Variants in CPVL observed in about 807,000 individuals in gnomAD.
CPVL encodes the protein probable serine carboxypeptidase CPVL.
In CPVL, 51 loss-of-function variants were observed where a neutral mutation model predicts 63.7. The ratio of observed to expected loss-of-function variants is 0.80; its 90% CI spans 0.64 to 1.01. The LOEUF (loss-of-function observed/expected upper bound fraction) is 1.01, where lower values mean the gene tolerates loss of function less well. Among genes scored for constraint, CPVL ranks in the 50% least tolerant of loss-of-function variants. The pLI is 0.00. For missense variants in CPVL, 530 were observed against 573.1 expected (o/e 0.92, Z 0.77); for synonymous variants, 195 against 206.0 (o/e 0.95, Z 0.46).
chr7:29,047,736 C>T (rs1447483311), intron 11 of CPVL, among the ~76,000 whole-genome samples: 1 of 152,090 alleles, frequency 6.6e-6, no homozygotes, highest in African/African-American at 2.4e-5. Flanking sequence ...GTCACATTGT[C>T]CAATCAGGTT....
intron 6 of CPVL, among the ~76,000 whole-genome samples, chr7:29,090,657 C>T (rs956231667): frequency 6.6e-6 from 1 of 152,112 alleles, no homozygotes; most frequent in Non-Finnish European, 1.5e-5. Flanking sequence ...AGATTGGCAC[C>T]AGCTAGTGTA....
At chr7:28,994,827 T>C (rs1011016794), downstream of CPVL, among the ~76,000 whole-genome samples, 4 of 152,176 alleles carry the variant, frequency 2.6e-5, no homozygotes, top group Non-Finnish European at 5.9e-5. Flanking sequence ...AGTTCATAGA[T>C]GGGTAATATG....
At chr7:29,104,594 A>C (rs745563223) in intron 3 of CPVL, among the ~76,000 whole-genome samples, 5 of 152,158 alleles carry the variant, frequency 3.3e-5, no homozygotes, top group African/African-American at 1.2e-4. Context: ...GCCTTCTTGC[A>C]TCATTCCGAA....
rs375647676 is a variant in CPVL at position 29,113,205 on chromosome 7, C to G, written c.170-383G>C. 9.9e-5 allele frequency among the ~76,000 whole-genome samples: 15 copies of G among 152,096 alleles called. No homozygotes were observed. In the South Asian group the frequency reaches 3.1e-3, roughly 32 times the overall value. On this transcript the variant is annotated intron_variant, in intron 2 of 12. Coordinates refer to ENST00000265394, the MANE Select transcript of CPVL (RefSeq NM_031311.5). ...CAGGATAAAGTAACCTGACCTGAAA[C>G]AGTGGGGTGCAAGAGTAACAATGTG...
chr7:29,189,845 G>T (rs1334366068), intron 1 of CPVL, among the ~76,000 whole-genome samples: 1 of 152,188 alleles, frequency 6.6e-6, no homozygotes, highest in Admixed American at 6.5e-5. Flanking sequence ...CTGCAGCTCA[G>T]TGAGAAAGAC....
chr7:29,053,665 G>A (rs1010105037), intron 11 of CPVL, among the ~76,000 whole-genome samples: 1 of 152,104 alleles, frequency 6.6e-6, no homozygotes, highest in African/African-American at 2.4e-5. Context: ...TTAGATAGTG[G>A]TGATGGCTGC....
At chr7:29,061,804 G>C (rs1418326519) in intron 11 of CPVL, among the ~76,000 whole-genome samples, 1 of 151,872 alleles carries the variant, frequency 6.6e-6, no homozygotes, top group Non-Finnish European at 1.5e-5. Context: ...AAATTAGCTG[G>C]GCATGGTGGC....
chr7:29,122,162 T>C (rs1297537693), intron 1 of CPVL: 2 of 152,200 alleles, frequency 1.3e-5, no homozygotes, highest in Admixed American at 1.3e-4. Context: ...GAATGGTATT[T>C]GTTAAAGCAT....
chr7:29,010,191 A>T lies in CPVL; in HGVS notation c.1321-14309T>A, dbSNP rs143160730. The T allele has an allele frequency of 1.2e-4, 19 of 152,310 alleles. No individual in the cohort carries two copies. In the East Asian group the frequency reaches 3.7e-3, roughly 29 times the overall value. 9.4% of individuals were successfully genotyped at this position (152,310 alleles called of 1,614,324 possible). A position where few individuals can be genotyped will look rare whatever the true frequency, so the allele number is the denominator to read the frequency against. ...CTTGGGACTCTGGTTGCTGTATAAA[A>T]AAATAAATATTAGGAACAAAAATAA... is the stretch of plus-strand genomic sequence containing the variant. On this transcript the variant is annotated intron_variant, in intron 12 of 12. Transcript: ENST00000265394.
chr7:29,104,776 T>C (rs1787556243), intron 3 of CPVL, among the ~76,000 whole-genome samples: 1 of 152,192 alleles, frequency 6.6e-6, no homozygotes, highest in Non-Finnish European at 1.5e-5. Context: ...TTATAAGGAA[T>C]AGGGAAGTGG....
intron 4 of CPVL, among the ~76,000 whole-genome samples, chr7:29,184,259 G>A (rs554725107): frequency 6.7e-6 from 1 of 150,302 alleles, no homozygotes; most frequent in Admixed American, 6.6e-5. Context: ...CTATATATAA[G>A]ATATATAGTG....
intron 5 of CPVL, among the ~76,000 whole-genome samples, chr7:29,177,779 T>G (rs540824450): frequency 2.0e-4 from 31 of 152,226 alleles, no homozygotes; most frequent in African/African-American, 7.2e-4. Context: ...CTCATTATGC[T>G]CCCACCTATC....
At chr7:29,166,393 T>A (rs1795922919) in intron 5 of CPVL, among the ~76,000 whole-genome samples, 1 of 152,212 alleles carries the variant, frequency 6.6e-6, no homozygotes, top group Non-Finnish European at 1.5e-5. Context: ...TGATATTCTT[T>A]CTGATTTAAG....
At chr7:29,165,248 C>T (rs1795758389) in intron 5 of CPVL, among the ~76,000 whole-genome samples, 1 of 152,042 alleles carries the variant, frequency 6.6e-6, no homozygotes, top group Non-Finnish European at 1.5e-5. Context: ...AAAGGTCTTG[C>T]ATAAGTTTTC....
intron 5 of CPVL, among the ~76,000 whole-genome samples, chr7:29,172,667 T>G (rs1207746353): frequency 9.2e-5 from 14 of 152,232 alleles, no homozygotes; most frequent in Non-Finnish European, 1.5e-5. Context: ...AAATATTAAT[T>G]TCATATTAAC....
At chr7:29,065,763 A>C (rs1437629865) in intron 10 of CPVL, among the ~76,000 whole-genome samples, 1 of 152,128 alleles carries the variant, frequency 6.6e-6, no homozygotes, top group Non-Finnish European at 1.5e-5. Context: ...CCTCTATAAC[A>C]AGCTCTACTT....
chr7:29,131,764 T>C (rs538887134), intron 1 of CPVL, among the ~76,000 whole-genome samples: 1 of 152,310 alleles, frequency 6.6e-6, no homozygotes, highest in African/African-American at 2.4e-5. Context: ...TCACCTGCCT[T>C]GGCCTCCCAA....
chr7:29,036,992 T>C (rs1451198635), intron 11 of CPVL, among the ~76,000 whole-genome samples: 1 of 152,200 alleles, frequency 6.6e-6, no homozygotes, highest in Non-Finnish European at 1.5e-5. Context: ...TTCTAAGTGC[T>C]CTTCCACATT....
chr7:29,155,821 C>T (rs778103686), intron 5 of CPVL, among the ~76,000 whole-genome samples: 18 of 152,022 alleles, frequency 1.2e-4, no homozygotes, highest in Non-Finnish European at 2.5e-4. Context: ...TTCTAGGCCT[C>T]AGGACACCTG....
Sources: gnomAD v4.1 joint callset for allele counts (sites outside exome capture counted in the v4.1 genomes callset) on GRCh38, gnomAD v4.1.1 for gene constraint, MANE v1.5 for transcripts, NCBI Gene and HGNC (gene_info 2026-07-23, HGNC 2026-07-21) for gene names.